Variants in SNX3 observed in about 807,000 individuals in gnomAD.
The protein encoded by SNX3 is sorting nexin-3.
In SNX3, 5 loss-of-function variants were observed where a neutral mutation model predicts 17.7. The observed-to-expected ratio is 0.28, with a 90% CI of 0.15 to 0.59. The LOEUF (loss-of-function observed/expected upper bound fraction) is 0.59, where lower values mean the gene tolerates loss of function less well. Among genes scored for constraint, SNX3 ranks in the 20% least tolerant of loss-of-function variants. The pLI is 0.88. For missense variants in SNX3, 132 were observed against 206.8 expected (o/e 0.64, Z 2.22); for synonymous variants, 91 against 76.5 (o/e 1.19, Z -0.99).
chr6:108,236,422 C>T (rs1438819468), intron 1 of SNX3, among the ~76,000 whole-genome samples: 8 of 140,868 alleles, frequency 5.7e-5, no homozygotes, highest in Non-Finnish European at 9.1e-5. Context: ...CTCGCTCTGT[C>T]GCCCAGGCTG....
At chr6:108,214,908 T>C (rs888243876) in intron 2 of SNX3, among the ~76,000 whole-genome samples, 2 of 152,148 alleles carry the variant, frequency 1.3e-5, no homozygotes, top group South Asian at 4.1e-4. Flanking sequence ...CTCACAACAC[T>C]GAAATAAAGG....
intron 1 of SNX3, among the ~76,000 whole-genome samples, chr6:108,237,915 T>C (rs558597998): frequency 5.3e-5 from 8 of 150,710 alleles, no homozygotes; most frequent in Admixed American, 1.3e-4. Context: ...CTTGGCAACA[T>C]AGCAAAACCC....
intron 1 of SNX3, among the ~76,000 whole-genome samples, chr6:108,237,253 T>C (rs77020087): frequency 0.021 from 3,172 of 152,302 alleles, 82 homozygotes; most frequent in South Asian, 0.088. Context: ...AATTGATTTC[T>C]AAGTACTTTG....
intron 1 of SNX3, among the ~76,000 whole-genome samples, chr6:108,242,170 A>C (rs1248306468): frequency 6.6e-6 from 1 of 152,214 alleles, no homozygotes; most frequent in Admixed American, 6.5e-5. Context: ...GAAAAAAATA[A>C]GAATGAACAG....
chr6:108,243,629 T>C (rs1046493033), intron 1 of SNX3, among the ~76,000 whole-genome samples: 2 of 152,014 alleles, frequency 1.3e-5, no homozygotes, highest in Non-Finnish European at 2.9e-5. Flanking sequence ...TACCAGATAG[T>C]AAATGAAATC....
Position 108,260,042 on chromosome 6 carries a change from T to C in SNX3, c.162+718A>G, listed in dbSNP as rs564122511. ...TATGAAATTAGGTATATTTTATTTC[T>C]GTTGATTTCTTTATTCAATTAAGTG... On this transcript the variant is annotated intron_variant, in intron 1 of 3. Coordinates refer to ENST00000230085, the MANE Select transcript of SNX3 (RefSeq NM_003795.6). Among the ~76,000 whole-genome samples, 5 of 152,364 alleles carry C rather than the reference T, an allele frequency of 3.3e-5. No homozygotes were observed. The East Asian group carries it at 9.6e-4, about 29-fold the overall frequency.
intron 1 of SNX3, among the ~76,000 whole-genome samples, chr6:108,235,695 C>T (rs945407155): frequency 6.6e-6 from 1 of 152,018 alleles, no homozygotes. Flanking sequence ...CAGGAGATCA[C>T]GACTAGCCTG....
At chr6:108,223,672 G>C (rs1368789245) in intron 1 of SNX3, among the ~76,000 whole-genome samples, 5 of 151,058 alleles carry the variant, frequency 3.3e-5, no homozygotes, top group Non-Finnish European at 7.4e-5. Flanking sequence ...TAATTTTCTT[G>C]TATTTTTAGT....
intron 1 of SNX3, among the ~76,000 whole-genome samples, chr6:108,238,100 T>TAA (rs1775403881): frequency 2.0e-5 from 1 of 48,802 alleles, no homozygotes; most frequent in Admixed American, 2.5e-4. Context: ...AGATCCTGTC[T>TAA]CAAAAAAAAA....
chr6:108,222,340 A>G lies in SNX3; in HGVS notation c.258+610T>C, dbSNP rs78738549. 1.7e-3 allele frequency: 2,215 copies of G among 1,303,436 alleles called. 58 individuals are homozygous for G. The East Asian group carries it at 0.052, about 30-fold the overall frequency. The allele number at this position is 1,303,436 out of a possible 1,614,324, so 80.7% of individuals were successfully genotyped here. A position where few individuals can be genotyped will look rare whatever the true frequency, so the allele number is the denominator to read the frequency against. ...GCAGGGCTGAAATGAGAGACACCAG[A>G]GTGAGACCTTGCTTTAATTTATTTT... On this transcript the variant is annotated intron_variant, in intron 2 of 3. Coordinates refer to ENST00000230085, the MANE Select transcript of SNX3 (RefSeq NM_003795.6).
At chr6:108,217,748 CAAAAAA>C (rs571646125) in intron 2 of SNX3, among the ~76,000 whole-genome samples, 2 of 66,718 alleles carry the variant, frequency 3.0e-5, no homozygotes, top group African/African-American at 1.1e-4. Context: ...GACACCGTCT[CAAAAAA>C]AAAAAAAAAA....
chr6:108,244,690 G>A (rs6912729), intron 1 of SNX3, among the ~76,000 whole-genome samples: 52,384 of 139,556 alleles, frequency 0.38, 10,801 homozygotes, highest in East Asian at 0.62. Context: ...GTTGCCAGGC[G>A]GGAGTGCAGT....
At chr6:108,238,517 C>G (rs1229144949) in intron 1 of SNX3, among the ~76,000 whole-genome samples, 1 of 152,110 alleles carries the variant, frequency 6.6e-6, no homozygotes, top group Non-Finnish European at 1.5e-5. Flanking sequence ...GTAGTCCCAG[C>G]TACTAGGGAG....
Position 108,211,829 on chromosome 6 carries a change from T to G in SNX3, c.*320A>C, listed in dbSNP as rs1774413887. Reference sequence around the variant, plus strand: ...CAAGAAGCAAACAAGACGCAAAAACTGTGCAAATAAGACCAAGCCAGTAAC... The same window carrying G: ...CAAGAAGCAAACAAGACGCAAAAACGGTGCAAATAAGACCAAGCCAGTAAC... On this transcript the variant is annotated 3_prime_UTR_variant, in exon 4 of 4. Transcript: ENST00000230085. The G allele has an allele frequency of 1.0e-5, 2 of 197,584 alleles. No homozygotes were observed. The highest frequency in any genetic ancestry group is 5.9e-5 in the Admixed American group (1 of 16,916). The allele number at this position is 197,584 out of a possible 1,614,324, so 12.2% of individuals were successfully genotyped here. A position where few individuals can be genotyped will look rare whatever the true frequency, so the allele number is the denominator to read the frequency against.
chr6:108,212,366 G>A (rs2114700202), intron 3 of SNX3, 112 bp from the exon 4 acceptor site: 1 of 665,816 alleles, frequency 1.5e-6, no homozygotes, highest in South Asian at 1.7e-5. Flanking sequence ...TTGAGATGGA[G>A]TCTTGCTCTG....
At chr6:108,236,284 TACC>T (rs1186602315) in intron 1 of SNX3, among the ~76,000 whole-genome samples, 4 of 151,328 alleles carry the variant, frequency 2.6e-5, no homozygotes, top group Non-Finnish European at 5.9e-5. Context: ...AGGAGTTCAA[TACC>T]AACCTGGCCA....
intron 1 of SNX3, among the ~76,000 whole-genome samples, chr6:108,225,143 G>A (rs769771326): frequency 1.3e-5 from 2 of 152,114 alleles, no homozygotes; most frequent in African/African-American, 2.4e-5. Flanking sequence ...CCAGCCAGAC[G>A]TAGTGGCAGG....
At chr6:108,229,484 G>A (rs1175730322) in intron 1 of SNX3, among the ~76,000 whole-genome samples, 1 of 148,946 alleles carries the variant, frequency 6.7e-6, no homozygotes, top group Non-Finnish European at 1.5e-5. Context: ...AGTTGCTCAG[G>A]CTGGTCTTGA....
intron 1 of SNX3, among the ~76,000 whole-genome samples, chr6:108,227,917 T>G (rs551543205): frequency 1.3e-5 from 2 of 152,100 alleles, no homozygotes; most frequent in Admixed American, 1.3e-4. Flanking sequence ...ATAAAATGAT[T>G]GAAGGGCGGA....
Sources: gnomAD v4.1 joint callset for allele counts (sites outside exome capture counted in the v4.1 genomes callset) on GRCh38, gnomAD v4.1.1 for gene constraint, MANE v1.5 for transcripts, NCBI Gene and HGNC (gene_info 2026-07-23, HGNC 2026-07-21) for gene names.